The following PALLD variants were observed in gnomAD, a reference collection of about 807,000 sequenced individuals.
PALLD encodes palladin, cytoskeletal associated protein, also known as palladin.
PALLD carries 61 observed loss-of-function variants against 123.5 expected under a neutral mutation model. The ratio of observed to expected loss-of-function variants is 0.49; its 90% confidence interval spans 0.40 to 0.61. PALLD has a LOEUF of 0.61. Among genes scored for constraint, PALLD ranks in the 20% least tolerant of loss-of-function variants. The probability of loss-of-function intolerance (pLI) is 0.00; values close to 1 mark genes in which losing one functional copy is unlikely to be tolerated. For synonymous variants in PALLD, 465 were observed against 496.4 expected (o/e 0.94, Z 0.84); for missense variants, 1,273 against 1,377.0 (o/e 0.92, Z 1.20).
intron 10 of PALLD, among the ~76,000 whole-genome samples, chr4:168,804,283 C>G (rs952267919): frequency 6.6e-6 from 1 of 152,234 alleles, no homozygotes; most frequent in Non-Finnish European, 1.5e-5. Context: ...GGATATGGCT[C>G]CATATATTTG....
intron 17 of PALLD, among the ~76,000 whole-genome samples, chr4:168,920,420 T>A (rs1761216348): frequency 6.6e-6 from 1 of 152,232 alleles, no homozygotes; most frequent in South Asian, 2.1e-4. Context: ...CTCTGGCTGA[T>A]GCTGGCAAAG....
intron 2 of PALLD, among the ~76,000 whole-genome samples, chr4:168,615,959 T>C (rs186946104): frequency 9.9e-4 from 151 of 152,320 alleles, no homozygotes; most frequent in Middle Eastern, 3.4e-3. Flanking sequence ...GACATGATTG[T>C]TAAGGAAGGA....
intron 10 of PALLD, among the ~76,000 whole-genome samples, chr4:168,883,787 G>T (rs1416665112): frequency 4.6e-5 from 7 of 152,156 alleles, no homozygotes; most frequent in Admixed American, 2.6e-4. Context: ...TGTACAGTTG[G>T]GCTGAGTGTG....
chr4:168,813,098 G>A (rs879652244), intron 10 of PALLD, among the ~76,000 whole-genome samples: 262 of 84,400 alleles, frequency 3.1e-3, no homozygotes, highest in Non-Finnish European at 5.5e-3. Context: ...TTTGAAAAAC[G>A]TACTTTTGGG....
chr4:168,782,752 A>T (rs570616615), intron 10 of PALLD, among the ~76,000 whole-genome samples: 20 of 151,710 alleles, frequency 1.3e-4, no homozygotes, highest in Admixed American at 6.6e-4. Context: ...TTACTAAAAA[A>T]AAAAATAAAA....
At chr4:168,581,604 G>T (rs966723845) in intron 2 of PALLD, among the ~76,000 whole-genome samples, 10 of 151,922 alleles carry the variant, frequency 6.6e-5, no homozygotes, top group African/African-American at 2.4e-4. Flanking sequence ...TGGGGATATT[G>T]TTACTGAGTT....
At chr4:168,599,772 G>A (rs912170543) in intron 2 of PALLD, among the ~76,000 whole-genome samples, 3 of 152,036 alleles carry the variant, frequency 2.0e-5, no homozygotes, top group Non-Finnish European at 4.4e-5. Context: ...CAGAACCTGT[G>A]TCTATAGAAA....
intron 20 of PALLD, 47 bp from the exon 21 acceptor site, chr4:168,925,182 TTTTA>T (rs770156286): frequency 2.5e-5 from 40 of 1,583,938 alleles, no homozygotes; most frequent in South Asian, 2.0e-4. Flanking sequence ...AACTATTGTG[TTTTA>T]TTTGTCAAAA....
intron 2 of PALLD, among the ~76,000 whole-genome samples, chr4:168,552,053 C>G (rs1417618369): frequency 6.6e-6 from 1 of 152,056 alleles, no homozygotes; most frequent in Non-Finnish European, 1.5e-5. Flanking sequence ...TAGGTAAAAT[C>G]TTTGAGATTT....
intron 1 of PALLD, among the ~76,000 whole-genome samples, chr4:168,511,022 T>C (rs1454275385): frequency 6.6e-6 from 1 of 152,230 alleles, no homozygotes; most frequent in Non-Finnish European, 1.5e-5. Context: ...AAAATTGGAA[T>C]CCTTAAAATG....
chr4:168,815,569 A>G (rs1279450537), intron 10 of PALLD, among the ~76,000 whole-genome samples: 1 of 151,934 alleles, frequency 6.6e-6, no homozygotes, highest in Non-Finnish European at 1.5e-5. Flanking sequence ...ACCATGGTGA[A>G]CACAAATATG....
chr4:168,641,679 C>G (rs1776962364), intron 2 of PALLD, among the ~76,000 whole-genome samples: 2 of 152,152 alleles, frequency 1.3e-5, no homozygotes, highest in East Asian at 1.9e-4. Flanking sequence ...GATGAGAAAG[C>G]CTATCTCCCT....
intron 8 of PALLD, among the ~76,000 whole-genome samples, chr4:168,705,441 G>A (rs990717556): frequency 1.3e-5 from 2 of 152,050 alleles, no homozygotes; most frequent in South Asian, 2.1e-4. Flanking sequence ...AAATTTTCTC[G>A]ACATCTTAAA....
chr4:168,586,438 T>C (rs1770827420), intron 2 of PALLD, among the ~76,000 whole-genome samples: 1 of 152,172 alleles, frequency 6.6e-6, no homozygotes, highest in African/African-American at 2.4e-5. Context: ...ACTGTCTACA[T>C]GCTGGACCCA....
At chr4:168,920,874 TTTG>T (rs1392839998) in intron 17 of PALLD, among the ~76,000 whole-genome samples, 21 of 152,296 alleles carry the variant, frequency 1.4e-4, no homozygotes, top group African/African-American at 5.1e-4. Context: ...CAGCTGAGTA[TTTG>T]TTATTATTGT....
At chr4:168,779,426 T>G (rs202074924) in intron 10 of PALLD, among the ~76,000 whole-genome samples, 2 of 152,010 alleles carry the variant, frequency 1.3e-5, no homozygotes, top group East Asian at 3.8e-4. Flanking sequence ...ATGTTTTATT[T>G]TGATAATGAA....
intron 3 of PALLD, among the ~76,000 whole-genome samples, chr4:168,672,752 C>T (rs2150038965): frequency 6.6e-6 from 1 of 152,290 alleles, no homozygotes; most frequent in Non-Finnish European, 1.5e-5. Flanking sequence ...GCCACCTCGC[C>T]CGGCCAAGAT....
At chr4:168,530,446 T>G (rs772820570) in intron 2 of PALLD, 8 of 152,208 alleles carry the variant, frequency 5.3e-5, no homozygotes, top group Non-Finnish European at 7.3e-5. Context: ...CAGAGAGAGA[T>G]AGACACCTGC....
intron 16 of PALLD, among the ~76,000 whole-genome samples, chr4:168,914,889 C>G (rs952140): frequency 0.15 from 22,711 of 152,210 alleles, 2,052 homozygotes; most frequent in African/African-American, 0.25. Flanking sequence ...GAAGACAGTT[C>G]TGGCACCAGA....
Sources: gnomAD v4.1 joint callset for allele counts (sites outside exome capture counted in the v4.1 genomes callset) on GRCh38, gnomAD v4.1.1 for gene constraint, MANE v1.5 for transcripts, NCBI Gene and HGNC (gene_info 2026-07-23, HGNC 2026-07-21) for gene names.